SERAC1: variants seen among roughly 807,000 people sequenced by gnomAD.
SERAC1 encodes the protein serine active site containing 1.
SERAC1 carries 36 observed loss-of-function variants against 85.7 expected under a neutral mutation model. The ratio of observed to expected loss-of-function variants is 0.42; its 90% CI spans 0.32 to 0.55. SERAC1 has a LOEUF of 0.55. SERAC1 is among the 20% of genes least tolerant of loss of function. The pLI is 0.11. For synonymous variants in SERAC1, 242 were observed against 265.3 expected (o/e 0.91, Z 0.85); for missense variants, 629 against 796.2 (o/e 0.79, Z 2.53).
intron 9 of SERAC1, among the ~76,000 whole-genome samples, 164 bp from the exon 10 acceptor site, chr6:158,128,434 C>T (rs1318578940): frequency 6.6e-6 from 1 of 152,092 alleles, no homozygotes; most frequent in African/African-American, 2.4e-5. Context: ...AAGCAAATCC[C>T]TATTTAAGTG....
chr6:158,125,236 C>T (rs1015529585), intron 10 of SERAC1, among the ~76,000 whole-genome samples: 1 of 152,150 alleles, frequency 6.6e-6, no homozygotes, highest in Non-Finnish European at 1.5e-5. Flanking sequence ...GATCACTACA[C>T]ATTGTATGCT....
intron 1 of SERAC1, among the ~76,000 whole-genome samples, chr6:158,167,480 G>A (rs1281025030): frequency 6.8e-6 from 1 of 146,498 alleles, no homozygotes; most frequent in Non-Finnish European, 1.5e-5. Flanking sequence ...GGAGGTTGCA[G>A]TGAGCCCAGA....
At chr6:158,151,419 C>G (rs1157332942) in intron 3 of SERAC1, among the ~76,000 whole-genome samples, 1 of 139,922 alleles carries the variant, frequency 7.1e-6, no homozygotes, top group African/African-American at 2.5e-5. Context: ...AAGACCTCGT[C>G]TCAAAAAGAT....
intron 8 of SERAC1, among the ~76,000 whole-genome samples, chr6:158,135,496 G>A (rs2128417486): frequency 6.6e-6 from 1 of 152,150 alleles, no homozygotes; most frequent in South Asian, 2.1e-4. Flanking sequence ...TCGCGCCACT[G>A]CACTCCAGCC....
intron 8 of SERAC1, among the ~76,000 whole-genome samples, chr6:158,137,428 C>T: frequency 6.6e-6 from 1 of 151,650 alleles, no homozygotes; most frequent in Non-Finnish European, 1.5e-5. Flanking sequence ...AAAAAAAATA[C>T]TAAAAACAAT....
intron 1 of SERAC1, among the ~76,000 whole-genome samples, chr6:158,167,223 TAAA>T (rs34350104): frequency 0.15 from 14,877 of 101,704 alleles, 1,379 homozygotes; most frequent in East Asian, 0.39. Flanking sequence ...CACACGATGT[TAAA>T]AAAAAAAAAA....
intron 9 of SERAC1, among the ~76,000 whole-genome samples, chr6:158,128,731 G>A (rs1187916801): frequency 6.6e-6 from 1 of 152,270 alleles, no homozygotes; most frequent in East Asian, 1.9e-4. Context: ...GACCTCTGTG[G>A]CCCCACACCC....
intron 8 of SERAC1, among the ~76,000 whole-genome samples, chr6:158,134,202 T>A (rs1175633264): frequency 6.6e-6 from 1 of 152,184 alleles, no homozygotes; most frequent in Admixed American, 6.5e-5. Flanking sequence ...ACTGATGTCA[T>A]TAAAAAATAA....
At chr6:158,115,785 C>G in intron 14 of SERAC1, among the ~76,000 whole-genome samples, 1 of 152,040 alleles carries the variant, frequency 6.6e-6, no homozygotes, top group Non-Finnish European at 1.5e-5. Context: ...ACTGTGGGCA[C>G]TAAAGCGACC....
rs980506987 is a variant in SERAC1, at chr6:158,119,542, A to G, written c.1167-372T>C. Among the ~76,000 whole-genome samples the G allele has an allele frequency of 1.3e-5, 2 of 152,258 alleles. No homozygotes were observed. The highest frequency in any genetic ancestry group is 2.4e-5 in the African/African-American group (1 of 41,474). ...TAAGAAATTAAAGAAGAACGTGCTA[A>G]TAACAGTTTCAAAGTCAGTATATAT... On this transcript the variant is annotated intron_variant, in intron 11 of 16. Transcript: ENST00000647468. This position sits in a 1 kb window ranked among gnomAD's most constrained non-coding sequence, Gnocchi z 4.5.
chr6:158,124,110 G>A (rs981830435), intron 10 of SERAC1, among the ~76,000 whole-genome samples: 7 of 152,186 alleles, frequency 4.6e-5, no homozygotes, highest in African/African-American at 1.7e-4. Flanking sequence ...TAAGAGGACT[G>A]AAGACTTGGG....
chr6:158,144,222 G>A (rs1784996812), intron 7 of SERAC1, 77 bp downstream of exon 7: 2 of 1,181,090 alleles, frequency 1.7e-6, no homozygotes, highest in Non-Finnish European at 2.4e-6. Flanking sequence ...TTTTTAAAGT[G>A]TTTTGTACCC....
intron 9 of SERAC1, among the ~76,000 whole-genome samples, chr6:158,129,686 G>GTTTTTTTTT (rs1365533903): frequency 7.3e-6 from 1 of 136,990 alleles, no homozygotes; most frequent in African/African-American, 2.8e-5. Context: ...ATATTTCCTT[G>GTTTTTTTTT]TTTTTTTTTG....
rs374221414 is a variant in SERAC1 at position 158,120,396 on chromosome 6, G to A, written c.1166+29C>T. The A allele has an allele frequency of 8.2e-6, 13 of 1,592,656 alleles. No homozygotes were observed. Among genetic ancestry groups the A allele is most frequent in the African/African-American group, 2.7e-5 (2 of 74,332 alleles). On this transcript the variant is annotated intron_variant, in intron 11 of 16. Coordinates refer to ENST00000647468, the MANE Select transcript of SERAC1 (RefSeq NM_032861.4). This position sits in a 1 kb window ranked among gnomAD's most constrained non-coding sequence, Gnocchi z 4.4. ...CTCTAGGCTTCACATTTCCAAAGGG[G>A]ACAAAGCAACTCTCTTCTGCTTCCT...
chr6:158,163,651 T>C (rs1452166901), intron 1 of SERAC1, among the ~76,000 whole-genome samples: 3 of 152,222 alleles, frequency 2.0e-5, no homozygotes, highest in African/African-American at 7.2e-5. Flanking sequence ...GGAATACATA[T>C]GTATGGACCT....
At chr6:158,158,147 A>T in intron 2 of SERAC1, 126 bp downstream of exon 2, 1 of 638,780 alleles carries the variant, frequency 1.6e-6, no homozygotes, top group Non-Finnish European at 2.7e-6. Flanking sequence ...CTATTAGTAC[A>T]GAAAGACATA....
At chr6:158,135,360 C>T (rs993358517) in intron 8 of SERAC1, among the ~76,000 whole-genome samples, 1 of 152,044 alleles carries the variant, frequency 6.6e-6, no homozygotes, top group African/African-American at 2.4e-5. Context: ...GGTGACATCC[C>T]GTCTCTACTA....
chr6:158,113,586 G>A lies in SERAC1; in HGVS notation c.1691C>T (p.Pro564Leu). Residue 564 changes from proline (P) to leucine (L), a missense_variant, in exon 16 of 17, where the codon CCT (proline) becomes CTT (leucine). Pro to Leu is a moderately conservative substitution (Grantham distance 98). Coordinates refer to ENST00000647468, the MANE Select transcript of SERAC1 (RefSeq NM_032861.4). ...GTCATCTTGTAGTGTTTTAAGTGCAGGAGAATCTGTAAAATTATACAGAAC... is the reference window on the plus strand; with the variant it reads ...GTCATCTTGTAGTGTTTTAAGTGCAAGAGAATCTGTAAAATTATACAGAAC... ...LEVKELSKDS[P>L]ALKTLQDDFL... The A allele has an allele frequency of 1.2e-6, 2 of 1,613,050 alleles. No homozygotes were observed. Among genetic ancestry groups the A allele is most frequent in the East Asian group, 2.2e-5 (1 of 44,854 alleles).
At chr6:158,167,784 G>A (rs745804707) in intron 1 of SERAC1, among the ~76,000 whole-genome samples, 20 of 152,092 alleles carry the variant, frequency 1.3e-4, no homozygotes, top group Admixed American at 2.0e-4. Context: ...GGTTAGAGAG[G>A]GAGCAGGAAG....
Sources: gnomAD v4.1 joint callset for allele counts (sites outside exome capture counted in the v4.1 genomes callset) on GRCh38, gnomAD v4.1.1 for gene constraint, Gnocchi (gnomAD v3.1) non-coding constraint, MANE v1.5 for transcripts, NCBI Gene and HGNC (gene_info 2026-07-23, HGNC 2026-07-21) for gene names.